The following ESRRG variants were observed in gnomAD, a reference collection of about 807,000 sequenced individuals.
The protein encoded by ESRRG is estrogen related receptor gamma.
A neutral mutation model predicts 44.0 loss-of-function variants in ESRRG; 13 were observed. The observed-to-expected ratio is 0.30, with a 90% CI of 0.19 to 0.47. ESRRG has a LOEUF of 0.47. ESRRG is among the 20% of genes least tolerant of loss of function. The probability of loss-of-function intolerance (pLI) is 1.00; values close to 1 mark genes in which losing one functional copy is unlikely to be tolerated. For missense variants in ESRRG, 395 were observed against 580.6 expected (o/e 0.68, Z 3.29); for synonymous variants, 215 against 214.6 (o/e 1.00, Z -0.02).
At chr1:216,601,836 C>T (rs540116668) in intron 3 of ESRRG, among the ~76,000 whole-genome samples, 13 of 152,272 alleles carry the variant, frequency 8.5e-5, no homozygotes, top group African/African-American at 2.6e-4. Context: ...ATCTGCCAGG[C>T]TTTCTATAAT....
At chr1:216,993,891 T>G (rs2076040969) in intron 1 of ESRRG, among the ~76,000 whole-genome samples, 1 of 152,228 alleles carries the variant, frequency 6.6e-6, no homozygotes, top group Non-Finnish European at 1.5e-5. Context: ...TTATCTTCCT[T>G]ATACTTCAAA....
intron 1 of ESRRG, among the ~76,000 whole-genome samples, chr1:216,715,795 T>C (rs1018294626): frequency 2.0e-5 from 3 of 151,994 alleles, no homozygotes; most frequent in South Asian, 2.1e-4. Flanking sequence ...ACTCACATTG[T>C]GAGTATGAAA....
intron 1 of ESRRG, among the ~76,000 whole-genome samples, chr1:217,119,062 C>G (rs572084209): frequency 5.3e-5 from 8 of 152,046 alleles, no homozygotes; most frequent in Admixed American, 5.2e-4. Flanking sequence ...GACACAGATA[C>G]AGATACAGAT....
intron 2 of ESRRG, among the ~76,000 whole-genome samples, chr1:216,671,539 T>A (rs761327379): frequency 2.6e-5 from 4 of 152,230 alleles, no homozygotes; most frequent in Non-Finnish European, 5.9e-5. Context: ...AATAATTTAG[T>A]GTACATTTAC....
At chr1:216,675,830 T>A (rs1178266581) in intron 2 of ESRRG, among the ~76,000 whole-genome samples, 1 of 152,344 alleles carries the variant, frequency 6.6e-6, no homozygotes, top group African/African-American at 2.4e-5. Context: ...CAGTGCAGTG[T>A]TTCTTAACTT....
intron 5 of ESRRG, among the ~76,000 whole-genome samples, chr1:216,552,465 G>T (rs2056607256): frequency 1.3e-5 from 2 of 152,174 alleles, no homozygotes; most frequent in Admixed American, 1.3e-4. Flanking sequence ...GAATGTGCAA[G>T]TAAAGGCATT....
At chr1:216,881,659 G>T (rs2096450525) in intron 2 of ESRRG, among the ~76,000 whole-genome samples, 1 of 152,002 alleles carries the variant, frequency 6.6e-6, no homozygotes, top group Non-Finnish European at 1.5e-5. Context: ...CAAAAAATGG[G>T]ATTCATTTTA....
chr1:216,659,106 C>T (rs779510097), intron 2 of ESRRG, among the ~76,000 whole-genome samples: 3 of 152,072 alleles, frequency 2.0e-5, no homozygotes, highest in Non-Finnish European at 4.4e-5. Context: ...ATATTAAGAT[C>T]ATATACATAC....
chr1:216,991,562 A>G lies in ESRRG; in HGVS notation c.-105-51889T>C, dbSNP rs371352939. 5.3e-5 allele frequency among the ~76,000 whole-genome samples: 8 copies of G among 151,042 alleles called. No homozygotes were observed. In the East Asian group the frequency reaches 1.6e-3, roughly 30 times the overall value. ...ATTGATAAGTAAATATATTCCCATTAGAGAACTGCAGAATAGGATAGGCTG... is the reference window on the plus strand; with the variant it reads ...ATTGATAAGTAAATATATTCCCATTGGAGAACTGCAGAATAGGATAGGCTG... On this transcript the variant is annotated intron_variant, in intron 1 of 7. Transcript: ENST00000359162.
At chr1:216,966,691 G>T (rs1306815783) in intron 1 of ESRRG, among the ~76,000 whole-genome samples, 2 of 152,060 alleles carry the variant, frequency 1.3e-5, no homozygotes, top group African/African-American at 4.8e-5. Context: ...TGAGGTCCCA[G>T]GGAACCTCAG....
chr1:216,753,549 T>C (rs2092236852), intron 2 of ESRRG, among the ~76,000 whole-genome samples: 1 of 152,138 alleles, frequency 6.6e-6, no homozygotes, highest in Admixed American at 6.6e-5. Flanking sequence ...TATAGTTTCC[T>C]TTTATCTTAA....
chr1:217,135,612 C>G (rs1018714005), intron 1 of ESRRG, among the ~76,000 whole-genome samples: 2 of 152,040 alleles, frequency 1.3e-5, no homozygotes, highest in African/African-American at 4.8e-5. Flanking sequence ...GCGCGCGAAG[C>G]GGGGTCAGGC....
At chr1:216,863,083 T>C (rs1200648930) in intron 2 of ESRRG, 1 of 152,202 alleles carries the variant, frequency 6.6e-6, no homozygotes, top group Non-Finnish European at 1.5e-5. Flanking sequence ...TCTTAAACTT[T>C]GATACCCATC....
At chr1:216,579,129 A>C (rs934758418) in intron 3 of ESRRG, among the ~76,000 whole-genome samples, 1 of 152,132 alleles carries the variant, frequency 6.6e-6, no homozygotes, top group African/African-American at 2.4e-5. Context: ...GTATGTTTTC[A>C]GAATCTCAAT....
intron 1 of ESRRG, among the ~76,000 whole-genome samples, chr1:216,687,744 T>A (rs2151673537): frequency 6.6e-6 from 1 of 152,322 alleles, no homozygotes; most frequent in Middle Eastern, 3.4e-3. Context: ...GGCCGTGTCT[T>A]TTTACATGGT....
intron 2 of ESRRG, chr1:216,865,219 T>G (rs1298760865): frequency 1.5e-5 from 1 of 65,544 alleles, no homozygotes; most frequent in Admixed American, 1.5e-4. Flanking sequence ...AAAAAAAAAA[T>G]TACCACAAAG....
chr1:216,980,217 T>C (rs895274023), intron 1 of ESRRG, among the ~76,000 whole-genome samples: 1 of 152,200 alleles, frequency 6.6e-6, no homozygotes, highest in Non-Finnish European at 1.5e-5. Flanking sequence ...CACAGAATGG[T>C]AACTTTGGTC....
At chr1:216,987,844 C>T (rs1344856665) in intron 1 of ESRRG, among the ~76,000 whole-genome samples, 1 of 152,134 alleles carries the variant, frequency 6.6e-6, no homozygotes, top group Non-Finnish European at 1.5e-5. Context: ...GAATTGATCC[C>T]TCACCCAAGC....
chr1:216,710,727 T>G (rs2083420177), intron 1 of ESRRG, among the ~76,000 whole-genome samples: 1 of 152,194 alleles, frequency 6.6e-6, no homozygotes, highest in Non-Finnish European at 1.5e-5. Context: ...GTGTCCATGG[T>G]GTGGCCAGGA....
Sources: gnomAD v4.1 joint callset for allele counts (sites outside exome capture counted in the v4.1 genomes callset) on GRCh38, gnomAD v4.1.1 for gene constraint, MANE v1.5 for transcripts, NCBI Gene and HGNC (gene_info 2026-07-23, HGNC 2026-07-21) for gene names.